The following CGAS variants were observed in gnomAD, a reference collection of about 807,000 sequenced individuals.
The protein encoded by CGAS is cyclic GMP-AMP synthase.
CGAS carries 31 observed loss-of-function variants against 34.0 expected under a neutral mutation model. The observed-to-expected ratio is 0.91, with a 90% CI of 0.69 to 1.23. The LOEUF (loss-of-function observed/expected upper bound fraction) is 1.23. Ranked by LOEUF, CGAS falls within the 50% of genes most tolerant of loss-of-function variation. CGAS has a pLI of 0.00. For synonymous variants in CGAS, 266 were observed against 260.0 expected (o/e 1.02, Z -0.22); for missense variants, 597 against 657.6 (o/e 0.91, Z 1.01).
At chr6:73,427,926 C>T (rs913099818) in intron 4 of CGAS, among the ~76,000 whole-genome samples, 3 of 152,068 alleles carry the variant, frequency 2.0e-5, no homozygotes, top group Non-Finnish European at 4.4e-5. Context: ...CATTCTCCTA[C>T]CTCAGCCTTC....
intron 1 of CGAS, among the ~76,000 whole-genome samples, chr6:73,450,853 G>A (rs1582659388): frequency 6.6e-6 from 1 of 151,928 alleles, no homozygotes; most frequent in Non-Finnish European, 1.5e-5. Context: ...AGCCGGGCAT[G>A]GTGGCGGGCG....
intron 3 of CGAS, among the ~76,000 whole-genome samples, chr6:73,433,121 A>T (rs1341028287): frequency 6.6e-6 from 1 of 152,118 alleles, no homozygotes; most frequent in East Asian, 1.9e-4. Flanking sequence ...AAAATAGATC[A>T]ATTACCTATG....
At chr6:73,449,590 G>A (rs1056506893) in intron 1 of CGAS, among the ~76,000 whole-genome samples, 2 of 151,842 alleles carry the variant, frequency 1.3e-5, no homozygotes, top group African/African-American at 2.4e-5. Context: ...CTTTGGACCC[G>A]CCATATACAG....
rs1194857369 is a variant in CGAS, at chr6:73,449,123, A to G, written c.657+2402T>C. 5.3e-5 allele frequency among the ~76,000 whole-genome samples: 8 copies of G among 152,162 alleles called. No individual in the cohort carries two copies. The East Asian group carries it at 1.2e-3, about 22-fold the overall frequency. The stretch of plus-strand genomic sequence containing the variant: ...AGAAAAAAGAAAAAGAAAAAAAGAA[A>G]AAGTTTTAGATAAAACAAATTTCAC... On this transcript the variant is annotated intron_variant, in intron 1 of 4. Transcript: ENST00000370315.
intron 1 of CGAS, among the ~76,000 whole-genome samples, chr6:73,447,553 G>A (rs1411822757): frequency 1.3e-5 from 2 of 152,156 alleles, no homozygotes; most frequent in African/African-American, 4.8e-5. Context: ...AAAGTGCTGG[G>A]ATTATAGGCG....
In CGAS at chr6:73,425,330, T is replaced by C. The variant is rs1462781567; in HGVS notation, c.1466A>G (p.Asn489Ser). 1 of 1,610,788 alleles carries C rather than the reference T, an allele frequency of 6.2e-7. No homozygotes were observed. The highest frequency in any genetic ancestry group is 8.5e-7 in the Non-Finnish European group (1 of 1,179,294). The change falls in exon 5 of 5, where the codon AAT becomes AGT. Residue 489 changes from asparagine to serine, a missense_variant. Physicochemically the swap from Asn to Ser is conservative, Grantham distance 46 (BLOSUM62 1). Transcript: ENST00000370315. The part of the protein sequence containing the change: ...KLENYFIPEF[N>S]LFSSNLIDKR... ...GTCAATTAAGTTGCTAGAGAATAGA[T>C]TGAATTCAGGAATAAAATAATTCTC...
At chr6:73,432,662 C>T (rs569326246) in intron 3 of CGAS, among the ~76,000 whole-genome samples, 53 of 152,036 alleles carry the variant, frequency 3.5e-4, no homozygotes, top group Non-Finnish European at 6.2e-4. Flanking sequence ...GGTTTTGTCA[C>T]GTGGCCCAGG....
rs552671009 is a variant in CGAS at position 73,451,796 on chromosome 6, G to A, written c.386C>T (p.Ser129Phe). Residue 129 changes from serine to phenylalanine, a missense_variant, in exon 1 of 5, where the codon TCC (serine) becomes TTC (phenylalanine). Physicochemically the swap from Ser to Phe is radical, Grantham distance 155. Transcript: ENST00000370315. Reference sequence around the variant, plus strand: ...CCCGGGCGGAGGTCTTGGCTTCGTGGAGCAGCGCGCGCCCCTCTGGCGGCA... The same window carrying A: ...CCCGGGCGGAGGTCTTGGCTTCGTGAAGCAGCGCGCGCCCCTCTGGCGGCA... ...GSCRQRGARC[S>F]TKPRPPPGPW... is the part of the protein sequence containing the mutation. 25 of 1,572,784 alleles carry A rather than the reference G, an allele frequency of 1.6e-5. No homozygotes were observed. The highest frequency in any genetic ancestry group is 1.9e-5 in the Non-Finnish European group (22 of 1,160,626).
At chr6:73,429,623 A>C (rs9351998) in intron 3 of CGAS, among the ~76,000 whole-genome samples, 1 of 151,500 alleles carries the variant, frequency 6.6e-6, no homozygotes, top group African/African-American at 2.4e-5. Context: ...TCGGGAGATC[A>C]AGACCATCCT....
At position 73,451,717 on chromosome 6, in the gene CGAS, C is replaced by G. The variant is rs777941304; in HGVS notation, c.465G>C (p.Arg155=). 2.5e-6 allele frequency: 4 copies of G among 1,613,568 alleles called. No individual in the cohort carries two copies. In the Admixed American group the frequency reaches 6.7e-5, roughly 27 times the overall value. ...GLPVSAPILV[R]RDAAPGASKL... ...TCGAGGCCCCAGGCGCCGCATCCCT[C>G]CGTACGAGAATGGGGGCCGAGACCG... Residue 155 remains arginine, a synonymous_variant, in exon 1 of 5, where the codon CGG becomes CGC. Transcript: ENST00000370315.
chr6:73,452,048 AG>A lies in CGAS; in HGVS notation c.133del (p.Leu45CysfsTer128). The A allele has an allele frequency of 3.3e-6, 5 of 1,516,266 alleles. No individual in the cohort carries two copies. The highest frequency in any genetic ancestry group is 4.4e-6 in the Non-Finnish European group (5 of 1,130,620). The allele number at this position is 1,516,266 out of a possible 1,614,324, so 93.9% of individuals were successfully genotyped here. On this transcript the variant is annotated frameshift_variant, in exon 1 of 5. Transcript: ENST00000370315. LOFTEE classifies it high-confidence loss of function. ...GGGGCCGAACTTTCCCGCCTTAGGC[AG>A]GGCGGCCTCGGGGGCAGCCGGAGAC... ...TESPAAPEAALPKAGKFGPAR... is the reference protein window; with the variant it reads ...TESPAAPEAAXPKAGKFGPAR...
intron 1 of CGAS, among the ~76,000 whole-genome samples, chr6:73,449,476 A>AAC (rs144519687): frequency 0.098 from 14,065 of 142,834 alleles, 778 homozygotes; most frequent in African/African-American, 0.15. Context: ...CTCTGTCTCA[A>AAC]ACACACACAC....
chr6:73,425,176 C>T lies in CGAS; in HGVS notation c.*51G>A, dbSNP rs1170750901. ...CCCCTTTTCAAATTTTTCTTGTATTCTCCAGGATTTAGGGTGACTCTAGTT... is the reference window on the plus strand; with the variant it reads ...CCCCTTTTCAAATTTTTCTTGTATTTTCCAGGATTTAGGGTGACTCTAGTT... On this transcript the variant is annotated 3_prime_UTR_variant, in exon 5 of 5. Transcript: ENST00000370315. 1 of 1,368,238 alleles carries T rather than the reference C, an allele frequency of 7.3e-7. No homozygotes were observed. The highest frequency in any genetic ancestry group is 1.4e-5 in the South Asian group (1 of 73,718). The allele number at this position is 1,368,238 out of a possible 1,614,324, so 84.8% of individuals were successfully genotyped here. A position where few individuals can be genotyped will look rare whatever the true frequency, so the allele number is the denominator to read the frequency against.
chr6:73,449,508 CAA>C (rs56296814), intron 1 of CGAS, among the ~76,000 whole-genome samples: 1 of 150,386 alleles, frequency 6.6e-6, no homozygotes, highest in African/African-American at 2.4e-5. Context: ...CACACACACA[CAA>C]AGTGGTTCTG....
intron 2 of CGAS, among the ~76,000 whole-genome samples, chr6:73,440,668 G>A (rs545774871): frequency 1.3e-5 from 2 of 152,172 alleles, no homozygotes; most frequent in East Asian, 3.9e-4. Context: ...TTGGGAGGCC[G>A]AGACAGGTGG....
chr6:73,435,697 A>G (rs1429442904), intron 3 of CGAS, among the ~76,000 whole-genome samples: 9 of 151,266 alleles, frequency 5.9e-5, no homozygotes, highest in African/African-American at 2.2e-4. Flanking sequence ...CCAGCACTTT[A>G]GGAGGCCAAA....
chr6:73,443,126 A>C (rs1471565053), intron 2 of CGAS, among the ~76,000 whole-genome samples: 1 of 152,046 alleles, frequency 6.6e-6, no homozygotes, highest in Admixed American at 6.6e-5. Flanking sequence ...CCACAAGACC[A>C]AAGAACAAAT....
chr6:73,440,372 A>C lies in CGAS; in HGVS notation c.951T>G (p.Ser317=). The change falls in exon 3 of 5, where the codon TCT becomes TCG. Residue 317 remains serine, a synonymous_variant. Coordinates refer to ENST00000370315, the MANE Select transcript of CGAS (RefSeq NM_138441.3). ...AVTLLISEKI[S]VDITLALESK... ...ATTCCAAAGCCAGGGTTATATCCAC[A>C]GATATTTTTTCACTAATAAGAAGTG... 1 of 1,614,164 alleles carries C rather than the reference A, an allele frequency of 6.2e-7. No homozygotes were observed. The highest frequency in any genetic ancestry group is 1.1e-5 in the South Asian group (1 of 91,090).
chr6:73,432,189 T>C (rs1770205927), intron 3 of CGAS, among the ~76,000 whole-genome samples: 1 of 152,158 alleles, frequency 6.6e-6, no homozygotes, highest in Admixed American at 6.6e-5. Context: ...TGAGATTGAG[T>C]CTCGCTCTGT....
Sources: allele counts gnomAD v4.1 joint callset (sites outside exome capture counted in the v4.1 genomes callset), GRCh38; gene constraint gnomAD v4.1.1; transcripts MANE v1.5; gene names NCBI Gene and HGNC (gene_info 2026-07-23, HGNC 2026-07-21).